NBAS: variants seen among roughly 807,000 people sequenced by gnomAD.
NBAS encodes NAG/BC035112 fusion.
Under a neutral mutation model 302.5 loss-of-function variants are expected in NBAS, and 219 were observed. The ratio of observed to expected loss-of-function variants is 0.72; its 90% CI spans 0.65 to 0.81. NBAS has a LOEUF of 0.81. Among genes scored for constraint, NBAS ranks in the 30% least tolerant of loss-of-function variants. The pLI is 0.00. For synonymous variants in NBAS, 1,118 were observed against 1,021.6 expected (o/e 1.09, Z -1.80); for missense variants, 2,932 against 2,841.6 (o/e 1.03, Z -0.72).
chr2:14,955,137 A>G, the NBAS span, among the ~76,000 whole-genome samples: 5 of 152,248 alleles, frequency 3.3e-5, no homozygotes, highest in Non-Finnish European at 7.3e-5. Flanking sequence ...GAAATTGGCC[A>G]AAACAAAGGG....
chr2:15,251,329 GAT>G (rs1417153937), intron 44 of NBAS, among the ~76,000 whole-genome samples: 1 of 152,164 alleles, frequency 6.6e-6, no homozygotes, highest in African/African-American at 2.4e-5. Context: ...CTAGGGGAGG[GAT>G]AGCATTAGGG....
Position 15,349,116 on chromosome 2 carries a change from C to T in NBAS, c.4179+2876G>A, listed in dbSNP as rs566270105. On this transcript the variant is annotated intron_variant, in intron 35 of 51. Coordinates refer to ENST00000281513, the MANE Select transcript of NBAS (RefSeq NM_015909.4). ...GAAAATGGTGATATGTTCCCCACCA[C>T]TGGAACATAACAGATGTTTGAAAGG... Among the ~76,000 whole-genome samples, 30 of 152,296 alleles carry T rather than the reference C, an allele frequency of 2.0e-4. No individual in the cohort carries two copies. In the South Asian group the frequency reaches 6.0e-3, roughly 30 times the overall value.
At position 15,223,346 on chromosome 2, in the gene NBAS, G is replaced by C. The variant is rs192037537; in HGVS notation, c.6237-4378C>G. ...GCATGTCAGTATTTTTTTTTTATCT[G>C]TGTAATTTTTCTAAGGGTTTTAAAT... On this transcript the variant is annotated intron_variant, in intron 47 of 51. Coordinates refer to ENST00000281513, the MANE Select transcript of NBAS (RefSeq NM_015909.4). 1.1e-4 allele frequency among the ~76,000 whole-genome samples: 17 copies of C among 151,866 alleles called. No individual in the cohort carries two copies. In the South Asian group the frequency reaches 2.5e-3, roughly 22 times the overall value.
At chr2:15,554,698 G>A (rs938426773) in intron 3 of NBAS, among the ~76,000 whole-genome samples, 1 of 150,522 alleles carries the variant, frequency 6.6e-6, no homozygotes, top group Non-Finnish European at 1.5e-5. Context: ...ATGCTCAAAT[G>A]ACTGCACCAG....
the NBAS span, among the ~76,000 whole-genome samples, chr2:15,104,257 C>A: frequency 1.3e-5 from 2 of 152,138 alleles, no homozygotes; most frequent in African/African-American, 4.8e-5. Context: ...TCTCCCCAGC[C>A]ATGTGGAACT....
intron 10 of NBAS, among the ~76,000 whole-genome samples, chr2:15,504,727 G>A (rs914287057): frequency 1.3e-5 from 2 of 152,094 alleles, no homozygotes; most frequent in African/African-American, 4.8e-5. Context: ...CATTGTTGAG[G>A]ATGTAGGGAA....
At chr2:15,017,482 A>G in the NBAS span, among the ~76,000 whole-genome samples, 7 of 151,458 alleles carry the variant, frequency 4.6e-5, no homozygotes. Context: ...AAAAATTTCA[A>G]ATAAAAATCA....
the NBAS span, among the ~76,000 whole-genome samples, chr2:15,107,369 G>A: frequency 6.6e-6 from 1 of 152,100 alleles, no homozygotes; most frequent in Admixed American, 6.6e-5. Flanking sequence ...CCAGCTTCCA[G>A]ACTGTGAGGA....
At chr2:14,804,414 C>A in the NBAS span, among the ~76,000 whole-genome samples, 1 of 152,148 alleles carries the variant, frequency 6.6e-6, no homozygotes, top group South Asian at 2.1e-4. Context: ...GATAAGTTTC[C>A]TTTAGGCATG....
chr2:15,267,327 C>A (rs1016127848), intron 44 of NBAS, among the ~76,000 whole-genome samples: 3 of 152,098 alleles, frequency 2.0e-5, no homozygotes, highest in Non-Finnish European at 4.4e-5. Context: ...CTTATTCAGG[C>A]CAGAATCAAA....
At chr2:15,276,758 C>A (rs1007614087) in intron 43 of NBAS, 93 bp downstream of exon 43, 1 of 1,578,260 alleles carries the variant, frequency 6.3e-7, no homozygotes, top group East Asian at 2.3e-5. Flanking sequence ...CAGAGCTCTG[C>A]AACCATAATG....
At chr2:15,126,691 G>A in the NBAS span, among the ~76,000 whole-genome samples, 431 of 152,270 alleles carry the variant, frequency 2.8e-3, 3 homozygotes, top group African/African-American at 9.2e-3. Flanking sequence ...AGCAATGCAG[G>A]TGGCAGCATT....
intron 47 of NBAS, among the ~76,000 whole-genome samples, chr2:15,230,916 A>T (rs1376082855): frequency 6.6e-6 from 1 of 152,156 alleles, no homozygotes; most frequent in African/African-American, 2.4e-5. Context: ...CTCAGCCTGG[A>T]ATTACCATCA....
the NBAS span, among the ~76,000 whole-genome samples, chr2:14,980,670 G>GA: frequency 0.08 from 12,071 of 151,362 alleles, 1,088 homozygotes; most frequent in African/African-American, 0.21. Context: ...GAATAGGCAG[G>GA]AAAAAAAATC....
chr2:14,944,712 G>A, the NBAS span, among the ~76,000 whole-genome samples: 1 of 151,614 alleles, frequency 6.6e-6, no homozygotes. Context: ...CAGTCCTCAG[G>A]GACACAGAAA....
intron 9 of NBAS, among the ~76,000 whole-genome samples, chr2:15,521,773 CA>C (rs1662684827): frequency 6.6e-6 from 1 of 152,142 alleles, no homozygotes; most frequent in African/African-American, 2.4e-5. Context: ...GACCAGGAGC[CA>C]GCAAACTCCA....
chr2:15,468,686 G>T (rs1166359232), intron 16 of NBAS, among the ~76,000 whole-genome samples, 153 bp from the exon 17 acceptor site: 2 of 152,202 alleles, frequency 1.3e-5, no homozygotes, highest in Non-Finnish European at 2.9e-5. Context: ...CAAGAGAAAA[G>T]CAGCCAGTTG....
rs551761905 is a variant in NBAS, at chr2:15,553,690, C to G, written c.288-217G>C. On this transcript the variant is annotated intron_variant, in intron 4 of 51. Coordinates refer to ENST00000281513, the MANE Select transcript of NBAS (RefSeq NM_015909.4). ...ATGAATTAACATGTTTAAGCTCTCT[C>G]TCCCCCACTCTCCCCATCTCTCTCC... 2.0e-5 allele frequency among the ~76,000 whole-genome samples: 3 copies of G among 151,970 alleles called. No individual in the cohort carries two copies. The East Asian group carries it at 5.8e-4, about 30-fold the overall frequency.
chr2:14,974,504 A>C, the NBAS span, among the ~76,000 whole-genome samples: 3,217 of 152,314 alleles, frequency 0.021, 129 homozygotes, highest in African/African-American at 0.074. Flanking sequence ...GAGATGAGCT[A>C]ATTGACTATC....
Sources: allele counts gnomAD v4.1 joint callset (sites outside exome capture counted in the v4.1 genomes callset), GRCh38; gene constraint gnomAD v4.1.1; transcripts MANE v1.5; gene names NCBI Gene and HGNC (gene_info 2026-07-23, HGNC 2026-07-21).